GABPB1: variants seen among roughly 807,000 people sequenced by gnomAD.
GABPB1 encodes the protein GA binding protein transcription factor subunit beta 1.
A neutral mutation model predicts 45.9 loss-of-function variants in GABPB1; 15 were observed. That is an observed-to-expected ratio of 0.33 (90% CI 0.22 to 0.50). GABPB1 has a LOEUF of 0.50. GABPB1 is among the 20% of genes least tolerant of loss of function. The pLI is 0.98. For missense variants in GABPB1, 252 were observed against 457.5 expected, an observed-to-expected ratio of 0.55 and a Z score of 4.10; for synonymous variants, 143 against 154.4, an observed-to-expected ratio of 0.93 and a Z score of 0.55.
intron 1 of GABPB1, chr15:50,349,473 C>CT (rs1358377478): frequency 7.9e-5 from 12 of 152,166 alleles, no homozygotes; most frequent in Non-Finnish European, 1.5e-4. Context: ...AAGAAGGAAA[C>CT]TGAGCCACGG....
chr15:50,293,916 TAA>T (rs1416759183), intron 6 of GABPB1, among the ~76,000 whole-genome samples: 2 of 152,074 alleles, frequency 1.3e-5, no homozygotes, highest in East Asian at 1.9e-4. Flanking sequence ...GTTGAAACAC[TAA>T]AAGAGAAAGC....
intron 1 of GABPB1, among the ~76,000 whole-genome samples, chr15:50,338,052 T>C (rs943518352): frequency 6.6e-6 from 1 of 152,234 alleles, no homozygotes; most frequent in Non-Finnish European, 1.5e-5. Flanking sequence ...TTGGTTTTTG[T>C]GTTTTGAGAC....
chr15:50,354,603 G>A (rs1420618143), intron 1 of GABPB1: 2 of 445,760 alleles, frequency 4.5e-6, no homozygotes, highest in Non-Finnish European at 9.0e-6. Flanking sequence ...CCAGTCGCCC[G>A]CAGAACCTCC....
chr15:50,331,831 T>C (rs2047956898), intron 1 of GABPB1, among the ~76,000 whole-genome samples: 1 of 152,144 alleles, frequency 6.6e-6, no homozygotes, highest in Admixed American at 6.6e-5. Context: ...TAACATCATA[T>C]TTTATGCTTT....
At chr15:50,354,461 C>T (rs1212102462) in intron 1 of GABPB1, 3 of 446,394 alleles carry the variant, frequency 6.7e-6, no homozygotes, top group Non-Finnish European at 1.3e-5. Context: ...GGACCCGCCA[C>T]CCTCGCCGCC....
intron 1 of GABPB1, chr15:50,351,825 T>C (rs1457212290): frequency 6.6e-6 from 1 of 152,160 alleles, no homozygotes; most frequent in African/African-American, 2.4e-5. Flanking sequence ...AGTGCTAGAT[T>C]TACCTTCTAG....
chr15:50,292,314 C>CAAAAA (rs762047613), intron 6 of GABPB1, among the ~76,000 whole-genome samples: 10 of 49,542 alleles, frequency 2.0e-4, no homozygotes, highest in South Asian at 7.3e-4. Context: ...GACTCCATCT[C>CAAAAA]AAAAAAAAAA....
At chr15:50,314,191 A>ATTTTTTTTT (rs34621347) in intron 1 of GABPB1, among the ~76,000 whole-genome samples, 1 of 148,776 alleles carries the variant, frequency 6.7e-6, no homozygotes, top group Non-Finnish European at 1.5e-5. Context: ...TTATTTATTT[A>ATTTTTTTTT]TTTATTTTTT....
At chr15:50,298,976 AAGAAAAGAAAAAG>A (rs1413965820) in intron 6 of GABPB1, among the ~76,000 whole-genome samples, 4 of 151,692 alleles carry the variant, frequency 2.6e-5, no homozygotes, top group Non-Finnish European at 4.4e-5. Context: ...AGAAAGAGAA[AAGAAAAGAAAAAG>A]AGAAAAGAAA....
At chr15:50,289,437 TAA>T (rs11352059) in intron 7 of GABPB1, 44 bp downstream of exon 7, 119 of 1,072,554 alleles carry the variant, frequency 1.1e-4, no homozygotes, top group African/African-American at 7.0e-4. Flanking sequence ...AAATAAAAAT[TAA>T]AAAAAAAAAA....
At position 50,300,436 on chromosome 15, in the gene GABPB1, G is replaced by GTTTTTTTTTTTTTTTTTTTTTTTT. The variant is rs1297157973; in HGVS notation, c.697+329_697+352dup. Among the ~76,000 whole-genome samples, 8 of 40,806 alleles carry GTTTTTTTTTTTTTTTTTTTTTTTT rather than the reference G, an allele frequency of 2.0e-4. 2 individuals carry two copies. The highest frequency in any genetic ancestry group is 4.7e-4 in the Admixed American group (1 of 2,120). 26.8% of individuals were successfully genotyped at this position (40,806 alleles called of 152,430 possible). ...ATATTTGAATCTGCAACTGTTTTTG[G>GTTTTTTTTTTTTTTTTTTTTTTTT]TTTTTTTTTTTTTTTTTTTTTTTTG... On this transcript the variant is annotated intron_variant, in intron 6 of 8. Coordinates refer to ENST00000380877, the MANE Select transcript of GABPB1 (RefSeq NM_016654.5).
chr15:50,323,168 T>C (rs28609286), intron 1 of GABPB1, among the ~76,000 whole-genome samples: 75,020 of 151,916 alleles, frequency 0.49, 19,611 homozygotes, highest in Middle Eastern at 0.65. Context: ...CCTAGGAGTT[T>C]GAGACTGTAC....
chr15:50,312,655 C>T (rs541090131), intron 1 of GABPB1, among the ~76,000 whole-genome samples: 9 of 152,318 alleles, frequency 5.9e-5, no homozygotes, highest in African/African-American at 2.2e-4. Context: ...ACAAATACAG[C>T]ATTTATACTC....
rs564282875 is a variant in GABPB1 at position 50,319,825 on chromosome 15, G to A, written c.1-10027C>T. ...TGCACTCCAGCCCAGGCGACAGAGT[G>A]AGACTCCGTCTCAAAAATAAATAAA... is the stretch of plus-strand genomic sequence containing the variant. On this transcript the variant is annotated intron_variant, in intron 1 of 8. Transcript: ENST00000380877. 3.3e-5 allele frequency among the ~76,000 whole-genome samples: 5 copies of A among 151,406 alleles called. No individual in the cohort carries two copies. In the Admixed American group the frequency reaches 3.3e-4, roughly 10 times the overall value.
intron 1 of GABPB1, among the ~76,000 whole-genome samples, chr15:50,318,766 C>T (rs1302414665): frequency 6.6e-6 from 1 of 151,928 alleles, no homozygotes; most frequent in Admixed American, 6.6e-5. Context: ...GTTTGGGATG[C>T]GTTAATGACG....
At chr15:50,303,268 G>T in intron 3 of GABPB1, 145 bp from the exon 4 acceptor site, 1 of 689,842 alleles carries the variant, frequency 1.4e-6, no homozygotes, top group Non-Finnish European at 2.3e-6. Context: ...GATGTTCCAG[G>T]CCAGGTGCAG....
At chr15:50,279,868 G>A (rs1277400142) in intron 8 of GABPB1, among the ~76,000 whole-genome samples, 3 of 152,178 alleles carry the variant, frequency 2.0e-5, no homozygotes, top group African/African-American at 7.2e-5. Flanking sequence ...GACCACTGGG[G>A]AGGCACAGTA....
chr15:50,321,693 C>A lies in GABPB1; in HGVS notation c.1-11895G>T, dbSNP rs2047574948. 2.2e-5 allele frequency among the ~76,000 whole-genome samples: 3 copies of A among 135,264 alleles called. No individual in the cohort carries two copies. The South Asian group carries it at 7.4e-4, about 33-fold the overall frequency. The allele number at this position is 135,264 out of a possible 152,430, so 88.7% of individuals were successfully genotyped here. On this transcript the variant is annotated intron_variant, in intron 1 of 8. Coordinates refer to ENST00000380877, the MANE Select transcript of GABPB1 (RefSeq NM_016654.5). ...CTCCAGCCTGGGCAATAGAGCAAGA[C>A]TCCGTCTCAGAAAAAAAAAAAAAAA...
chr15:50,309,132 T>G (rs955165505), intron 2 of GABPB1, among the ~76,000 whole-genome samples: 6 of 152,172 alleles, frequency 3.9e-5, no homozygotes, highest in Non-Finnish European at 5.9e-5. Context: ...ATTCCTAGCA[T>G]TCCATATCCA....
Sources: allele counts gnomAD v4.1 joint callset (sites outside exome capture counted in the v4.1 genomes callset), GRCh38; gene constraint gnomAD v4.1.1; transcripts MANE v1.5; gene names NCBI Gene and HGNC (gene_info 2026-07-23, HGNC 2026-07-21).